Variants in CNTNAP2 observed in about 807,000 individuals in gnomAD.
The protein encoded by CNTNAP2 is contactin-associated protein-like 2.
Under a neutral mutation model 155.2 loss-of-function variants are expected in CNTNAP2, and 98 were observed. The ratio of observed to expected loss-of-function variants is 0.63; its 90% confidence interval spans 0.54 to 0.75. The LOEUF (loss-of-function observed/expected upper bound fraction) is 0.75. Ranked by LOEUF, CNTNAP2 falls within the 30% of genes least tolerant of loss-of-function variation. The probability of loss-of-function intolerance (pLI) is 0.00; values close to 1 mark genes in which losing one functional copy is unlikely to be tolerated. For missense variants in CNTNAP2, 1,727 were observed against 1,688.1 expected (o/e 1.02, Z -0.40); for synonymous variants, 651 against 631.2 (o/e 1.03, Z -0.47).
chr7:147,598,489 A>G (rs1448309797), intron 12 of CNTNAP2, among the ~76,000 whole-genome samples: 1 of 152,142 alleles, frequency 6.6e-6, no homozygotes, highest in African/African-American at 2.4e-5. Flanking sequence ...AGCTTCATCC[A>G]TGTCCCTGCA....
intron 10 of CNTNAP2, among the ~76,000 whole-genome samples, chr7:147,467,864 T>TAA (rs34962340): frequency 2.6e-5 from 4 of 151,620 alleles, no homozygotes; most frequent in Non-Finnish European, 4.4e-5. Flanking sequence ...AATGTGTCTC[T>TAA]AAAAAAAATT....
At chr7:148,198,395 T>C (rs1217758347) in intron 18 of CNTNAP2, among the ~76,000 whole-genome samples, 1 of 152,226 alleles carries the variant, frequency 6.6e-6, no homozygotes, top group African/African-American at 2.4e-5. Flanking sequence ...TCATCGAGTA[T>C]CTAATGTAGA....
intron 3 of CNTNAP2, among the ~76,000 whole-genome samples, chr7:146,854,475 A>G (rs1046793727): frequency 3.3e-5 from 5 of 152,148 alleles, no homozygotes; most frequent in Non-Finnish European, 5.9e-5. Flanking sequence ...AGAAACCAGG[A>G]ACTGTTATTG....
rs1461138357 is a variant in CNTNAP2 at position 147,063,479 on chromosome 7, GGGA to G, written c.550+19433_550+19435del. Among the ~76,000 whole-genome samples, 35 of 152,242 alleles carry G rather than the reference GGGA, an allele frequency of 2.3e-4. 1 individual carries two copies. The East Asian group carries it at 6.6e-3, about 29-fold the overall frequency. ...GGACATTTTATAGATGCATTTTTAAGGGAGGAGGAGATAACAGCAATCTCAGTT... is the reference window on the plus strand; with the variant it reads ...GGACATTTTATAGATGCATTTTTAAGGGAGGAGATAACAGCAATCTCAGTT... On this transcript the variant is annotated intron_variant, in intron 4 of 23. Coordinates refer to ENST00000361727, the MANE Select transcript of CNTNAP2 (RefSeq NM_014141.6).
intron 1 of CNTNAP2, among the ~76,000 whole-genome samples, chr7:146,656,207 C>A (rs2129164934): frequency 6.6e-6 from 1 of 152,358 alleles, no homozygotes; most frequent in South Asian, 2.1e-4. Context: ...AAGTTCATCT[C>A]TTATTACCCT....
chr7:146,668,428 CTGTGTGTGTGTGTGTGTGTG>C (rs573459590), intron 1 of CNTNAP2, among the ~76,000 whole-genome samples: 4 of 115,490 alleles, frequency 3.5e-5, no homozygotes, highest in African/African-American at 5.9e-5. Context: ...TGTAATTTTC[CTGTGTGTGTGTGTGTGTGTG>C]TGTGTGTGTG....
At chr7:146,462,162 C>A (rs1290543037) in intron 1 of CNTNAP2, among the ~76,000 whole-genome samples, 1 of 152,130 alleles carries the variant, frequency 6.6e-6, no homozygotes, top group Non-Finnish European at 1.5e-5. Context: ...AAGAATAATA[C>A]CACATGTCAC....
chr7:147,168,106 ATATC>A (rs1053973711), intron 8 of CNTNAP2, among the ~76,000 whole-genome samples: 1 of 149,070 alleles, frequency 6.7e-6, no homozygotes, highest in African/African-American at 2.4e-5. Context: ...ATGTATAAAT[ATATC>A]TATGACATTA....
At chr7:147,011,440 AAAAAG>A (rs1798621410) in intron 3 of CNTNAP2, among the ~76,000 whole-genome samples, 2 of 150,774 alleles carry the variant, frequency 1.3e-5, no homozygotes, top group Non-Finnish European at 3.0e-5. Flanking sequence ...AAAAAAAAAA[AAAAAG>A]GAACAAGGTT....
At chr7:147,638,491 GCTT>G (rs1261321296) in intron 12 of CNTNAP2, among the ~76,000 whole-genome samples, 1 of 152,104 alleles carries the variant, frequency 6.6e-6, no homozygotes, top group African/African-American at 2.4e-5. Flanking sequence ...TTTTATATCT[GCTT>G]CTTTTCTCGC....
intron 21 of CNTNAP2, among the ~76,000 whole-genome samples, chr7:148,320,365 A>C (rs1797768229): frequency 1.4e-5 from 2 of 142,470 alleles, no homozygotes; most frequent in East Asian, 4.1e-4. Flanking sequence ...CCTAACAAAG[A>C]ATTTTTTTTT....
At chr7:148,243,321 C>T (rs929387857) in intron 20 of CNTNAP2, among the ~76,000 whole-genome samples, 4 of 152,180 alleles carry the variant, frequency 2.6e-5, no homozygotes, top group African/African-American at 9.7e-5. Context: ...GGGCAGTAGC[C>T]TCCAACATCC....
At chr7:148,127,867 C>CATATAAT (rs1295127703) in intron 16 of CNTNAP2, among the ~76,000 whole-genome samples, 1 of 152,036 alleles carries the variant, frequency 6.6e-6, no homozygotes, top group African/African-American at 2.4e-5. Context: ...ATTTTTCACA[C>CATATAAT]ATATATTATA....
chr7:147,303,778 A>G (rs1253170122), intron 9 of CNTNAP2, among the ~76,000 whole-genome samples: 1 of 152,192 alleles, frequency 6.6e-6, no homozygotes, highest in Non-Finnish European at 1.5e-5. Flanking sequence ...GGAAATGCTA[A>G]ATGCTGACTG....
At chr7:146,456,146 G>T (rs1288632862) in intron 1 of CNTNAP2, among the ~76,000 whole-genome samples, 1 of 152,092 alleles carries the variant, frequency 6.6e-6, no homozygotes, top group African/African-American at 2.4e-5. Flanking sequence ...GGGAATTCTT[G>T]GCTGGTGTCA....
At chr7:147,033,160 G>GTGTA (rs1554427639) in intron 3 of CNTNAP2, among the ~76,000 whole-genome samples, 7 of 90,852 alleles carry the variant, frequency 7.7e-5, no homozygotes, top group Admixed American at 3.0e-4. Context: ...ATATATATAT[G>GTGTA]TATATATATA....
intron 1 of CNTNAP2, among the ~76,000 whole-genome samples, chr7:146,220,557 T>C (rs1356887605): frequency 6.6e-6 from 1 of 152,162 alleles, no homozygotes; most frequent in Non-Finnish European, 1.5e-5. Context: ...GTTTGTCCTA[T>C]AGAGATAATA....
chr7:147,511,478 TG>T (rs1799020011), intron 11 of CNTNAP2, among the ~76,000 whole-genome samples: 1 of 151,958 alleles, frequency 6.6e-6, no homozygotes, highest in Non-Finnish European at 1.5e-5. Flanking sequence ...TTTTGCATTT[TG>T]CAATAAAGCT....
chr7:146,322,852 A>G (rs927637249), intron 1 of CNTNAP2, among the ~76,000 whole-genome samples: 5 of 151,864 alleles, frequency 3.3e-5, no homozygotes, highest in Admixed American at 6.6e-5. Context: ...ATAATGGGTT[A>G]TGAACTGGAA....
Sources: gnomAD v4.1 joint callset for allele counts (sites outside exome capture counted in the v4.1 genomes callset) on GRCh38, gnomAD v4.1.1 for gene constraint, MANE v1.5 for transcripts, NCBI Gene and HGNC (gene_info 2026-07-23, HGNC 2026-07-21) for gene names.